Variants in PLEKHH2 observed in about 807,000 individuals in gnomAD.
The protein encoded by PLEKHH2 is pleckstrin homology, MyTH4 and FERM domain containing H2, also known as pleckstrin homology domain-containing family H member 2.
Under a neutral mutation model 187.9 loss-of-function variants are expected in PLEKHH2, and 129 were observed. That is an observed-to-expected ratio of 0.69 (90% confidence interval 0.59 to 0.79). PLEKHH2 has a LOEUF of 0.79. Among genes scored for constraint, PLEKHH2 ranks in the 30% least tolerant of loss-of-function variants. The probability of loss-of-function intolerance (pLI) is 0.00; values close to 1 mark genes in which losing one functional copy is unlikely to be tolerated. For missense variants in PLEKHH2, 2,076 were observed against 1,751.2 expected, an observed-to-expected ratio of 1.19 and a Z score of -3.31; for synonymous variants, 686 against 605.6, an observed-to-expected ratio of 1.13 and a Z score of -1.95.
chr2:43,726,203 A>G, intron 16 of PLEKHH2, 69 bp from the exon 17 acceptor site: 1 of 1,029,186 alleles, frequency 9.7e-7, no homozygotes, highest in Non-Finnish European at 1.4e-6. Flanking sequence ...AATGAAAAGG[A>G]CTATGAAATG....
intron 2 of PLEKHH2, 126 bp from the exon 3 acceptor site, chr2:43,678,737 A>AGGTGGAGGTGGAG: frequency 4.9e-6 from 2 of 412,116 alleles, no homozygotes; most frequent in Non-Finnish European, 9.4e-6. Context: ...TAGAGGTGGA[A>AGGTGGAGGTGGAG]GTGGAGGTGG....
intron 2 of PLEKHH2, among the ~76,000 whole-genome samples, chr2:43,658,446 A>G (rs1666898894): frequency 1.3e-5 from 2 of 152,240 alleles, no homozygotes; most frequent in Admixed American, 6.5e-5. Flanking sequence ...ATAAGCATTT[A>G]TTATCTTGCA....
Position 43,731,621 on chromosome 2 carries a change from G to T in PLEKHH2, c.2943+19G>T, listed in dbSNP as rs760227639. 3.5e-6 allele frequency: 5 copies of T among 1,426,912 alleles called. No homozygotes were observed. The South Asian group carries it at 5.1e-5, about 14-fold the overall frequency. 88.4% of individuals were successfully genotyped at this position (1,426,912 alleles called of 1,614,324 possible). ...ATTTAAGGTAAAATATTTATATGTT[G>T]TTAAATGATTTAAGGTAAAATACTT... On this transcript the variant is annotated intron_variant, in intron 19 of 29. Coordinates refer to ENST00000282406, the MANE Select transcript of PLEKHH2 (RefSeq NM_172069.4).
intron 19 of PLEKHH2, among the ~76,000 whole-genome samples, chr2:43,736,664 T>C (rs750155688): frequency 4.6e-5 from 7 of 152,028 alleles, no homozygotes; most frequent in Non-Finnish European, 1.0e-4. Context: ...GGAAACCCTG[T>C]CTCTACTAAA....
intron 2 of PLEKHH2, among the ~76,000 whole-genome samples, chr2:43,669,016 CTAAGCAGCAG>C (rs1357558160): frequency 2.6e-5 from 4 of 152,146 alleles, no homozygotes; most frequent in Non-Finnish European, 4.4e-5. Context: ...GCTGGTTGAG[CTAAGCAGCAG>C]TGCAGCAGAG....
chr2:43,714,616 A>G (rs903154550), intron 15 of PLEKHH2, among the ~76,000 whole-genome samples: 3 of 152,178 alleles, frequency 2.0e-5, no homozygotes, highest in Non-Finnish European at 4.4e-5. Flanking sequence ...GAACTTGACT[A>G]ATTTGATTCT....
At position 43,742,938 on chromosome 2, in the gene PLEKHH2, T is replaced by C; in HGVS notation, c.3399+20T>C. On this transcript the variant is annotated intron_variant, in intron 22 of 29. Transcript: ENST00000282406. ...TACCAGGTAGGTTACCTGATGAAAA[T>C]ATGCTTAGCCAACAATCCTATGTAC... 8.2e-6 allele frequency: 12 copies of C among 1,468,896 alleles called. No individual in the cohort carries two copies. Among genetic ancestry groups the C allele is most frequent in the Non-Finnish European group, 1.0e-5 (11 of 1,104,814 alleles). 91.0% of individuals were successfully genotyped at this position (1,468,896 alleles called of 1,614,324 possible).
At chr2:43,640,442 C>A (rs74446896) in intron 1 of PLEKHH2, among the ~76,000 whole-genome samples, 5,319 of 152,244 alleles carry the variant, frequency 0.035, 117 homozygotes, top group South Asian at 0.063. Context: ...AATTCTCCAA[C>A]CTCAGCCTCT....
chr2:43,709,974 T>G lies in PLEKHH2; in HGVS notation c.1967-16T>G. 10 of 1,595,154 alleles carry G rather than the reference T, an allele frequency of 6.3e-6. No homozygotes were observed. The highest frequency in any genetic ancestry group is 8.5e-6 in the Non-Finnish European group (10 of 1,172,698). ...AGTATTAAATACTGACTTGATTTCT[T>G]TCTTTGTTCTCTTAGGTGTGTCTCT... is the stretch of plus-strand genomic sequence containing the variant. On this transcript the variant is annotated splice_polypyrimidine_tract_variant and intron_variant, in intron 11 of 29. Coordinates refer to ENST00000282406, the MANE Select transcript of PLEKHH2 (RefSeq NM_172069.4).
At chr2:43,712,036 T>A (rs1415926556) in intron 14 of PLEKHH2, 189 bp from the exon 15 acceptor site, 2 of 1,268,220 alleles carry the variant, frequency 1.6e-6, no homozygotes, top group Admixed American at 3.6e-5. Flanking sequence ...AAAATTTAAT[T>A]GCTGTAATTC....
intron 25 of PLEKHH2, among the ~76,000 whole-genome samples, chr2:43,755,222 C>T (rs979539061): frequency 6.6e-6 from 1 of 152,110 alleles, no homozygotes; most frequent in Non-Finnish European, 1.5e-5. Flanking sequence ...CCTCTGTGTT[C>T]ACATTCTGTC....
intron 6 of PLEKHH2, among the ~76,000 whole-genome samples, chr2:43,695,469 A>T (rs762409538): frequency 1.3e-5 from 2 of 152,202 alleles, no homozygotes; most frequent in African/African-American, 4.8e-5. Context: ...GATCAGAAAA[A>T]CATGACCAAA....
rs1272530903 is a variant in PLEKHH2 at position 43,700,159 on chromosome 2, TC to T, written c.1202del (p.Ser401Ter). On this transcript the variant is annotated frameshift_variant, in exon 8 of 30. Coordinates refer to ENST00000282406, the MANE Select transcript of PLEKHH2 (RefSeq NM_172069.4). LOFTEE classifies it high-confidence loss of function. ...CCAGAGACTCGATTATTCATCTTCA[TC>T]GAGTGAAGCCAACACCCCAAGCCCT... ...QSQRLDYSSS[S>X]SEANTPSPIL... is the part of the protein sequence containing the mutation. 1.2e-6 allele frequency: 2 copies of T among 1,614,134 alleles called. No homozygotes were observed. The highest frequency in any genetic ancestry group is 3.3e-5 in the Admixed American group (2 of 60,016).
chr2:43,694,373 A>G, intron 4 of PLEKHH2, 58 bp from the exon 5 acceptor site: 16 of 1,487,878 alleles, frequency 1.1e-5, no homozygotes, highest in Non-Finnish European at 1.4e-5. Flanking sequence ...TTATGGTAAA[A>G]CATTTCCAGA....
chr2:43,699,621 T>A (rs1332612074), intron 7 of PLEKHH2, 26 bp from the exon 8 acceptor site: 2 of 1,592,682 alleles, frequency 1.3e-6, no homozygotes, highest in African/African-American at 2.7e-5. Flanking sequence ...AAAGGCAGCA[T>A]GCTGATATGA....
At position 43,729,622 on chromosome 2, in the gene PLEKHH2, T is replaced by C; in HGVS notation, c.2722-15T>C. 2 of 1,513,258 alleles carry C rather than the reference T, an allele frequency of 1.3e-6. No homozygotes were observed. Among genetic ancestry groups the C allele is most frequent in the Non-Finnish European group, 1.8e-6 (2 of 1,121,932 alleles). The allele number at this position is 1,513,258 out of a possible 1,614,324, so 93.7% of individuals were successfully genotyped here. Reference sequence around the variant, plus strand: ...ACTGTGTCTTAACATTTAATTAATATGTTCTGGTTTTAAGGACACTTGGCT... The same window carrying C: ...ACTGTGTCTTAACATTTAATTAATACGTTCTGGTTTTAAGGACACTTGGCT... On this transcript the variant is annotated splice_polypyrimidine_tract_variant and intron_variant, in intron 17 of 29. Transcript: ENST00000282406.
chr2:43,712,864 T>C (rs1156664060), intron 15 of PLEKHH2, among the ~76,000 whole-genome samples: 1 of 152,068 alleles, frequency 6.6e-6, no homozygotes, highest in Non-Finnish European at 1.5e-5. Flanking sequence ...AAAGCACAGA[T>C]TGAAATAAGA....
At chr2:43,657,148 T>C (rs1440231094) in intron 2 of PLEKHH2, among the ~76,000 whole-genome samples, 1 of 152,224 alleles carries the variant, frequency 6.6e-6, no homozygotes, top group Non-Finnish European at 1.5e-5. Flanking sequence ...GGATCACTCA[T>C]GTGACTGCAT....
At chr2:43,696,415 G>A (rs1669093782) in intron 6 of PLEKHH2, among the ~76,000 whole-genome samples, 1 of 150,712 alleles carries the variant, frequency 6.6e-6, no homozygotes, top group Non-Finnish European at 1.5e-5. Flanking sequence ...TTGAGCCCGG[G>A]AGTTTGGGGC....
Sources: gnomAD v4.1 joint callset for allele counts (sites outside exome capture counted in the v4.1 genomes callset) on GRCh38, gnomAD v4.1.1 for gene constraint, MANE v1.5 for transcripts, NCBI Gene and HGNC (gene_info 2026-07-23, HGNC 2026-07-21) for gene names.